Variants in CREB5 observed in about 807,000 individuals in gnomAD.
CREB5 encodes cyclic AMP-responsive element-binding protein 5.
A neutral mutation model predicts 57.1 loss-of-function variants in CREB5; 19 were observed. The ratio of observed to expected loss-of-function variants is 0.33; its 90% CI spans 0.23 to 0.49. The LOEUF (loss-of-function observed/expected upper bound fraction) is 0.49, where lower values mean the gene tolerates loss of function less well. Among genes scored for constraint, CREB5 ranks in the 20% least tolerant of loss-of-function variants. CREB5 has a pLI of 0.99. For synonymous variants in CREB5, 238 were observed against 238.3 expected (o/e 1.00, Z 0.01); for missense variants, 579 against 671.6 (o/e 0.86, Z 1.52).
chr7:28,780,273 T>C (rs1806897136), intron 7 of CREB5, among the ~76,000 whole-genome samples: 1 of 152,194 alleles, frequency 6.6e-6, no homozygotes. Flanking sequence ...TGAATGCCAT[T>C]GGAACTACCC....
chr7:28,611,238 C>A (rs1039974766), intron 5 of CREB5, among the ~76,000 whole-genome samples: 1 of 151,994 alleles, frequency 6.6e-6, no homozygotes, highest in South Asian at 2.1e-4. Context: ...GGTCCCAGAG[C>A]TCATCACCAG....
intron 5 of CREB5, among the ~76,000 whole-genome samples, chr7:28,629,587 G>A (rs911581347): frequency 6.6e-6 from 1 of 152,134 alleles, no homozygotes; most frequent in African/African-American, 2.4e-5. Flanking sequence ...AAACACGTTG[G>A]CCTTCTAGGG....
intron 5 of CREB5, among the ~76,000 whole-genome samples, chr7:28,601,360 G>T (rs1037135123): frequency 1.3e-5 from 2 of 152,054 alleles, no homozygotes; most frequent in Non-Finnish European, 2.9e-5. Flanking sequence ...GCATTTGCAG[G>T]GATGGATTTT....
intron 5 of CREB5, among the ~76,000 whole-genome samples, chr7:28,586,810 G>T (rs1389113726): frequency 1.3e-5 from 2 of 152,246 alleles, no homozygotes; most frequent in African/African-American, 2.4e-5. Context: ...GAGAAAGAAT[G>T]GGACGTCCCA....
chr7:28,458,376 T>G (rs9791570), intron 1 of CREB5, among the ~76,000 whole-genome samples: 29,941 of 152,216 alleles, frequency 0.2, 3,515 homozygotes, highest in South Asian at 0.33. Flanking sequence ...CCTAGCTTCA[T>G]GGATTGCAAA....
intron 4 of CREB5, among the ~76,000 whole-genome samples, chr7:28,536,239 G>C (rs553385476): frequency 6.6e-6 from 1 of 152,332 alleles, no homozygotes; most frequent in East Asian, 1.9e-4. Context: ...TCATAGAATA[G>C]TCTCAAAAGA....
At chr7:28,304,031 T>C (rs992209309) in intron 1 of CREB5, among the ~76,000 whole-genome samples, 1 of 152,206 alleles carries the variant, frequency 6.6e-6, no homozygotes, top group African/African-American at 2.4e-5. Context: ...TTTGGAATGC[T>C]ATAATGTGGC....
At chr7:28,727,499 C>T (rs1462078388) in intron 7 of CREB5, among the ~76,000 whole-genome samples, 2 of 152,138 alleles carry the variant, frequency 1.3e-5, no homozygotes. Context: ...TCCCGGGACA[C>T]ATTTCCAGTC....
At chr7:28,712,523 A>ATTT (rs1179176828) in intron 5 of CREB5, among the ~76,000 whole-genome samples, 18 of 54,456 alleles carry the variant, frequency 3.3e-4, no homozygotes, top group South Asian at 6.4e-4. Context: ...AAAAAAGAGA[A>ATTT]TTTATTATTA....
intron 5 of CREB5, among the ~76,000 whole-genome samples, chr7:28,588,440 T>C (rs1796379108): frequency 6.6e-6 from 1 of 152,160 alleles, no homozygotes; most frequent in African/African-American, 2.4e-5. Flanking sequence ...GGAGGAACTA[T>C]ATTGGTGTAA....
At chr7:28,309,763 G>A (rs1785243912) in intron 1 of CREB5, among the ~76,000 whole-genome samples, 1 of 152,108 alleles carries the variant, frequency 6.6e-6, no homozygotes, top group African/African-American at 2.4e-5. Flanking sequence ...TCCCTCCCTT[G>A]CTATTTCCAG....
chr7:28,611,925 A>G (rs41278), intron 5 of CREB5, among the ~76,000 whole-genome samples: 127,262 of 151,736 alleles, frequency 0.84, 53,448 homozygotes, highest in East Asian at 0.98. Context: ...TCCCTAAAGC[A>G]ACAAAGAAAA....
intron 1 of CREB5, among the ~76,000 whole-genome samples, chr7:28,460,000 C>T (rs1790284205): frequency 6.6e-6 from 1 of 152,154 alleles, no homozygotes; most frequent in Non-Finnish European, 1.5e-5. Context: ...CAGGTCCTGT[C>T]CTGCGATTGC....
intron 5 of CREB5, among the ~76,000 whole-genome samples, chr7:28,599,116 G>A (rs754292480): frequency 2.6e-5 from 4 of 152,208 alleles, no homozygotes; most frequent in East Asian, 3.9e-4. Context: ...TCTTCCAATC[G>A]TGTTGGTAAT....
At position 28,586,166 on chromosome 7, in the gene CREB5, AAAAGCC is replaced by A. The variant is rs796401542; in HGVS notation, c.464+15630_464+15635del. Among the ~76,000 whole-genome samples, 54 of 152,286 alleles carry A rather than the reference AAAAGCC, an allele frequency of 3.5e-4. 1 individual carries two copies. The highest frequency in any genetic ancestry group is 1.2e-3 in the African/African-American group (51 of 41,560). ...TGAGTTGGTTTGAAGGGACACCTCC[AAAAGCC>A]CATGCTCCTTGTGGTCCTCACTGTC... is the stretch of plus-strand genomic sequence containing the variant. On this transcript the variant is annotated intron_variant, in intron 5 of 10. Coordinates refer to ENST00000357727, the MANE Select transcript of CREB5 (RefSeq NM_182898.4).
chr7:28,643,325 G>A (rs1798754535), intron 5 of CREB5, among the ~76,000 whole-genome samples: 1 of 152,124 alleles, frequency 6.6e-6, no homozygotes, highest in Admixed American at 6.5e-5. Flanking sequence ...ATTTGTCCAA[G>A]GTCACCGACA....
intron 1 of CREB5, among the ~76,000 whole-genome samples, chr7:28,311,156 A>AG (rs1321364279): frequency 2.0e-5 from 3 of 150,168 alleles, no homozygotes; most frequent in Admixed American, 6.6e-5. Context: ...AAAAAAAAAG[A>AG]ATAAATATTT....
chr7:28,644,188 A>G (rs911769336), intron 5 of CREB5, among the ~76,000 whole-genome samples: 10 of 152,026 alleles, frequency 6.6e-5, no homozygotes, highest in South Asian at 2.1e-4. Context: ...AAAAAGGGAA[A>G]GGAAGGGAAG....
At chr7:28,668,604 AC>A (rs1034942593) in intron 5 of CREB5, among the ~76,000 whole-genome samples, 4 of 152,252 alleles carry the variant, frequency 2.6e-5, no homozygotes, top group African/African-American at 7.2e-5. Flanking sequence ...GGAAGTATGT[AC>A]AAAAACCAAA....
Sources: allele counts gnomAD v4.1 joint callset (sites outside exome capture counted in the v4.1 genomes callset), GRCh38; gene constraint gnomAD v4.1.1; transcripts MANE v1.5; gene names NCBI Gene and HGNC (gene_info 2026-07-23, HGNC 2026-07-21).